Variants in BICD1 observed in about 807,000 individuals in gnomAD.
The protein encoded by BICD1 is BICD cargo adaptor 1.
In BICD1, 35 loss-of-function variants were observed where a neutral mutation model predicts 92.5. That is an observed-to-expected ratio of 0.38 (90% CI 0.29 to 0.50). The LOEUF is 0.50. Among genes scored for constraint, BICD1 ranks in the 20% least tolerant of loss-of-function variants. BICD1 has a pLI of 0.93. For synonymous variants in BICD1, 429 were observed against 465.1 expected, an observed-to-expected ratio of 0.92 and a Z score of 1.00; for missense variants, 950 against 1,189.8, an observed-to-expected ratio of 0.80 and a Z score of 2.97.
rs532606225 is a variant in BICD1, at chr12:32,194,655, G to A, written c.214-21592G>A. Among the ~76,000 whole-genome samples the A allele has an allele frequency of 3.3e-5, 5 of 152,278 alleles. 1 individual carries two copies. The South Asian group carries it at 1.0e-3, about 32-fold the overall frequency. ...CCAACATTTTGGGAGGCCGAGGGGG[G>A]TGGATCACATGAGGTTGGGATTTTG... On this transcript the variant is annotated intron_variant, in intron 1 of 9. Coordinates refer to ENST00000652176, the MANE Select transcript of BICD1 (RefSeq NM_001714.4).
At chr12:32,183,944 C>T (rs1472194511) in intron 1 of BICD1, among the ~76,000 whole-genome samples, 1 of 152,154 alleles carries the variant, frequency 6.6e-6, no homozygotes, top group Non-Finnish European at 1.5e-5. Flanking sequence ...AAGCAGTTGC[C>T]ATTGTCTAGT....
At chr12:32,144,476 G>T (rs932079432) in intron 1 of BICD1, among the ~76,000 whole-genome samples, 1 of 152,044 alleles carries the variant, frequency 6.6e-6, no homozygotes, top group Non-Finnish European at 1.5e-5. Context: ...ATCCACAGTG[G>T]GTACAAATGT....
intron 2 of BICD1, among the ~76,000 whole-genome samples, chr12:32,226,928 G>A (rs1347448587): frequency 6.6e-6 from 1 of 152,206 alleles, no homozygotes; most frequent in African/African-American, 2.4e-5. Flanking sequence ...TGGGCTCACA[G>A]TTTCTGGATG....
intron 1 of BICD1, among the ~76,000 whole-genome samples, chr12:32,170,599 C>A (rs1348385253): frequency 6.6e-6 from 1 of 152,192 alleles, no homozygotes; most frequent in Non-Finnish European, 1.5e-5. Context: ...CTTTTTTACA[C>A]AATGCCACTG....
intron 8 of BICD1, chr12:32,339,354 C>T (rs1424119341): frequency 8.0e-6 from 8 of 995,152 alleles, no homozygotes; most frequent in Admixed American, 6.1e-5. Context: ...ATGTAATTTC[C>T]GTAAAGGGAG....
chr12:32,232,506 AG>A (rs896328950), intron 2 of BICD1, among the ~76,000 whole-genome samples: 1 of 148,852 alleles, frequency 6.7e-6, no homozygotes, highest in Non-Finnish European at 1.5e-5. Context: ...TCAGATGAGT[AG>A]GTTGCGAAAA....
At chr12:32,224,435 C>T (rs1039512091) in intron 2 of BICD1, among the ~76,000 whole-genome samples, 3 of 152,224 alleles carry the variant, frequency 2.0e-5, no homozygotes, top group Middle Eastern at 3.2e-3. Context: ...AAACTTGCAG[C>T]GCATATGCGA....
intron 5 of BICD1, 67 bp from the exon 6 acceptor site, chr12:32,334,449 A>G (rs1565678962): frequency 6.8e-7 from 1 of 1,477,884 alleles, no homozygotes; most frequent in African/African-American, 1.4e-5. Context: ...TAGGCACAGC[A>G]TGAAGCAATC....
At chr12:32,254,988 A>G (rs138025374) in intron 2 of BICD1, among the ~76,000 whole-genome samples, 3 of 152,236 alleles carry the variant, frequency 2.0e-5, no homozygotes, top group Admixed American at 6.5e-5. Context: ...TTGGGCTGCC[A>G]TAACAAAATA....
At chr12:32,160,422 T>A (rs1943565242) in intron 1 of BICD1, among the ~76,000 whole-genome samples, 1 of 152,176 alleles carries the variant, frequency 6.6e-6, no homozygotes, top group Non-Finnish European at 1.5e-5. Context: ...TAGAAATATT[T>A]CCACAAATAT....
intron 5 of BICD1, chr12:32,332,531 C>G: frequency 2.5e-6 from 2 of 802,076 alleles, no homozygotes; most frequent in Non-Finnish European, 3.0e-6. Context: ...GCTGAAGATT[C>G]AAAGAAGACT....
intron 2 of BICD1, among the ~76,000 whole-genome samples, chr12:32,246,968 C>T (rs1412286218): frequency 6.6e-6 from 1 of 151,880 alleles, no homozygotes; most frequent in Non-Finnish European, 1.5e-5. Context: ...GTTCAAGATG[C>T]CTGTTATGGT....
intron 1 of BICD1, among the ~76,000 whole-genome samples, chr12:32,143,070 TG>T (rs1942996459): frequency 1.3e-5 from 2 of 152,364 alleles, no homozygotes; most frequent in South Asian, 4.1e-4. Context: ...GTCTATCACC[TG>T]TCATTCTTTT....
chr12:32,248,290 A>C (rs899853504), intron 2 of BICD1, among the ~76,000 whole-genome samples: 4 of 152,178 alleles, frequency 2.6e-5, no homozygotes, highest in African/African-American at 9.7e-5. Context: ...GATAGGAACC[A>C]AGGTCTGATG....
chr12:32,226,150 T>C (rs904724526), intron 2 of BICD1, among the ~76,000 whole-genome samples: 14 of 152,230 alleles, frequency 9.2e-5, no homozygotes, highest in African/African-American at 3.4e-4. Context: ...GTTTGTTTGC[T>C]TTGAGACGGA....
At chr12:32,171,618 G>T (rs1943940803) in intron 1 of BICD1, among the ~76,000 whole-genome samples, 1 of 152,024 alleles carries the variant, frequency 6.6e-6, no homozygotes, top group Non-Finnish European at 1.5e-5. Context: ...TTTGTTGGTG[G>T]TTTTTATATT....
At chr12:32,235,020 A>C (rs993575756) in intron 2 of BICD1, among the ~76,000 whole-genome samples, 1 of 152,114 alleles carries the variant, frequency 6.6e-6, no homozygotes, top group African/African-American at 2.4e-5. Context: ...AATATATACT[A>C]TTCTCCAGCC....
At chr12:32,300,737 C>T (rs879565056) in intron 3 of BICD1, among the ~76,000 whole-genome samples, 3 of 147,706 alleles carry the variant, frequency 2.0e-5, no homozygotes, top group Non-Finnish European at 3.0e-5. Context: ...CTCTGCCTCC[C>T]GGGTTCACGC....
chr12:32,355,751 G>A (rs917525216), intron 8 of BICD1, among the ~76,000 whole-genome samples: 15 of 151,766 alleles, frequency 9.9e-5, no homozygotes, highest in African/African-American at 3.1e-4. Context: ...GCAGTGAGCC[G>A]AGATGGAGAT....
Sources: allele counts gnomAD v4.1 joint callset (sites outside exome capture counted in the v4.1 genomes callset), GRCh38; gene constraint gnomAD v4.1.1; transcripts MANE v1.5; gene names NCBI Gene and HGNC (gene_info 2026-07-23, HGNC 2026-07-21).